RAB3GAP2: variants seen among roughly 807,000 people sequenced by gnomAD.
The protein encoded by RAB3GAP2 is rab3 GTPase-activating protein non-catalytic subunit.
A neutral mutation model predicts 185.3 loss-of-function variants in RAB3GAP2; 87 were observed. That is an observed-to-expected ratio of 0.47 (90% CI 0.39 to 0.56). RAB3GAP2 has a LOEUF of 0.56. Ranked by LOEUF, RAB3GAP2 falls within the 20% of genes least tolerant of loss-of-function variation. The probability of loss-of-function intolerance (pLI) is 0.00; values close to 1 mark genes in which losing one functional copy is unlikely to be tolerated. For missense variants in RAB3GAP2, 1,492 were observed against 1,638.2 expected, an observed-to-expected ratio of 0.91 and a Z score of 1.54; for synonymous variants, 554 against 576.1, an observed-to-expected ratio of 0.96 and a Z score of 0.55.
At chr1:220,194,937 A>T in intron 12 of RAB3GAP2, 141 bp downstream of exon 12, 1 of 846,806 alleles carries the variant, frequency 1.2e-6, no homozygotes, top group Non-Finnish European at 2.0e-6. Flanking sequence ...TTTACATTCT[A>T]GTGGGAAAAG....
chr1:220,251,560 T>G (rs1426001906), intron 1 of RAB3GAP2, among the ~76,000 whole-genome samples: 1 of 152,212 alleles, frequency 6.6e-6, no homozygotes, highest in African/African-American at 2.4e-5. Context: ...TTAAGAGGTA[T>G]GAATTAAAGC....
chr1:220,268,665 T>G (rs1226622646), intron 1 of RAB3GAP2, among the ~76,000 whole-genome samples: 1 of 152,232 alleles, frequency 6.6e-6, no homozygotes, highest in African/African-American at 2.4e-5. Flanking sequence ...TCTGTTCATT[T>G]TCTACATGAA....
intron 21 of RAB3GAP2, among the ~76,000 whole-genome samples, chr1:220,173,172 G>A (rs1658211413): frequency 2.0e-5 from 3 of 152,198 alleles, no homozygotes; most frequent in Admixed American, 2.0e-4. Flanking sequence ...TATTGCAGAC[G>A]TGGCAGTGAG....
At position 220,190,076 on chromosome 1, in the gene RAB3GAP2, A is replaced by C; in HGVS notation, c.1702T>G (p.Ser568Ala). Residue 568 changes from serine to alanine, a missense_variant, in exon 16 of 35, where the codon TCT becomes GCT. This residue lies in a region of RAB3GAP2 where 681 missense variants were observed against 689.1 expected (regional missense o/e 0.99). Transcript: ENST00000358951. ...KKLAALLKTK[S>A]PNLDLVETEI... ...AGAGAATACCTACCAAGATTGGGAG[A>C]TTTTGTTTTCAGTAAGGCTGCTAGT... The C allele has an allele frequency of 1.2e-6, 2 of 1,610,916 alleles. No individual in the cohort carries two copies. The highest frequency in any genetic ancestry group is 4.5e-5 in the East Asian group (2 of 44,804).
chr1:220,222,023 G>A (rs1238657888), intron 2 of RAB3GAP2, among the ~76,000 whole-genome samples: 1 of 152,138 alleles, frequency 6.6e-6, no homozygotes, highest in Non-Finnish European at 1.5e-5. Context: ...ACACATTTTA[G>A]TGGTACCAGT....
intron 1 of RAB3GAP2, among the ~76,000 whole-genome samples, chr1:220,262,223 C>T (rs535491199): frequency 6.6e-6 from 1 of 152,028 alleles, no homozygotes; most frequent in South Asian, 2.1e-4. Flanking sequence ...ATGGTGTGAA[C>T]CCGGGAGGTG....
rs190441644 is a variant in RAB3GAP2, at chr1:220,245,345, G to C, written c.116-12482C>G. 1.6e-3 allele frequency among the ~76,000 whole-genome samples: 248 copies of C among 152,356 alleles called. 5 individuals are homozygous for C. In the East Asian group the frequency reaches 0.043, roughly 26 times the overall value. Reference sequence around the variant, plus strand: ...GCGAGCCGAAGCAGGGCGAGGCATTGCCTCACTTGGGAAGCGCAAGGGGTC... The same window carrying C: ...GCGAGCCGAAGCAGGGCGAGGCATTCCCTCACTTGGGAAGCGCAAGGGGTC... On this transcript the variant is annotated intron_variant, in intron 1 of 34. Transcript: ENST00000358951.
At chr1:220,209,821 C>G (rs1458561703) in intron 7 of RAB3GAP2, among the ~76,000 whole-genome samples, 1 of 152,112 alleles carries the variant, frequency 6.6e-6, no homozygotes, top group African/African-American at 2.4e-5. Flanking sequence ...TTTAAATGGC[C>G]CTACAATTAT....
intron 24 of RAB3GAP2, among the ~76,000 whole-genome samples, 179 bp downstream of exon 24, chr1:220,170,713 G>A (rs927530975): frequency 3.3e-5 from 5 of 152,208 alleles, no homozygotes; most frequent in Admixed American, 2.0e-4. Context: ...GTTCCTGAGC[G>A]TGGAACTGAC....
At chr1:220,267,789 T>C in intron 1 of RAB3GAP2, 1 of 1,482,088 alleles carries the variant, frequency 6.7e-7, no homozygotes. Flanking sequence ...CCACTGAGCC[T>C]GGCCACTATT....
At chr1:220,192,143 C>T (rs888541241) in intron 13 of RAB3GAP2, among the ~76,000 whole-genome samples, 7 of 152,158 alleles carry the variant, frequency 4.6e-5, no homozygotes, top group African/African-American at 1.7e-4. Flanking sequence ...GCTTCGTCTT[C>T]GTATTTTAGA....
rs147678668 is a variant in RAB3GAP2, at chr1:220,151,678, G to T, written c.3954C>A (p.His1318Gln). ...GCTCCATTCCTTCTTTTGTCTGGGT[G>T]TGGAGAAGCGCATGAGCCAGCCTTT... ...TGQRLAHALLHTQTKEGMELL... is the reference protein window; with the variant it reads ...TGQRLAHALLQTQTKEGMELL... The change falls in exon 34 of 35, where the codon CAC becomes CAA. Residue 1318 changes from histidine (H) to glutamine (Q), a missense_variant. By Grantham distance (24) the His-to-Gln change is conservative. Coordinates refer to ENST00000358951, the MANE Select transcript of RAB3GAP2 (RefSeq NM_012414.4). 3.1e-6 allele frequency: 5 copies of T among 1,610,934 alleles called. No homozygotes were observed. In the African/African-American group the frequency reaches 6.7e-5, roughly 22 times the overall value.
At chr1:220,227,001 A>G (rs548126524) in intron 2 of RAB3GAP2, among the ~76,000 whole-genome samples, 3 of 152,354 alleles carry the variant, frequency 2.0e-5, no homozygotes, top group African/African-American at 7.2e-5. Context: ...TCTGCAAGCC[A>G]GGAAGAAAGG....
chr1:220,267,278 G>A, intron 1 of RAB3GAP2: 3 of 909,604 alleles, frequency 3.3e-6, no homozygotes, highest in Non-Finnish European at 5.6e-6. Context: ...GTTTCAAGTG[G>A]TGTATATTCC....
At chr1:220,184,191 A>G in intron 18 of RAB3GAP2, 28 bp from the exon 19 acceptor site, 2 of 1,578,158 alleles carry the variant, frequency 1.3e-6, no homozygotes, top group Non-Finnish European at 1.7e-6. Context: ...AAGTATATAT[A>G]AGAGATATAT....
intron 1 of RAB3GAP2, among the ~76,000 whole-genome samples, chr1:220,242,729 C>T (rs1235464260): frequency 2.0e-5 from 3 of 152,044 alleles, no homozygotes; most frequent in Non-Finnish European, 4.4e-5. Flanking sequence ...ACTTTACGAA[C>T]CATTATTTTT....
intron 1 of RAB3GAP2, among the ~76,000 whole-genome samples, chr1:220,270,192 G>A (rs1660309326): frequency 1.3e-5 from 2 of 152,084 alleles, no homozygotes; most frequent in South Asian, 4.1e-4. Context: ...CAGCTCCGAG[G>A]GCCTTACTCT....
intron 19 of RAB3GAP2, among the ~76,000 whole-genome samples, chr1:220,183,250 A>ATTT (rs200955039): frequency 1.4e-5 from 2 of 140,406 alleles, no homozygotes; most frequent in African/African-American, 2.6e-5. Context: ...GAATGTTAGC[A>ATTT]TTTTTTTTTT....
intron 1 of RAB3GAP2, among the ~76,000 whole-genome samples, chr1:220,251,644 T>C (rs995350389): frequency 6.6e-6 from 1 of 152,212 alleles, no homozygotes; most frequent in East Asian, 1.9e-4. Context: ...AATAAGTGTA[T>C]GTGTAGATAG....
Sources: gnomAD v4.1 joint callset for allele counts (sites outside exome capture counted in the v4.1 genomes callset) on GRCh38, gnomAD v4.1.1 for gene constraint, gnomAD v4.1.1 regional missense constraint, MANE v1.5 for transcripts, NCBI Gene and HGNC (gene_info 2026-07-23, HGNC 2026-07-21) for gene names.